The following RNF157 variants were observed in gnomAD, a reference collection of about 807,000 sequenced individuals.
RNF157 encodes the protein E3 ubiquitin ligase RNF157.
In RNF157, 55 loss-of-function variants were observed where a neutral mutation model predicts 88.3. The ratio of observed to expected loss-of-function variants is 0.62; its 90% CI spans 0.50 to 0.78. The LOEUF is 0.78. Ranked by LOEUF, RNF157 falls within the 30% of genes least tolerant of loss-of-function variation. The pLI, the probability that RNF157 is intolerant of heterozygous loss-of-function variation, is 0.00. For missense variants in RNF157, 788 were observed against 860.8 expected (o/e 0.92, Z 1.06); for synonymous variants, 334 against 341.2 (o/e 0.98, Z 0.23).
intron 2 of RNF157, among the ~76,000 whole-genome samples, chr17:76,184,116 G>A (rs966853988): frequency 1.3e-5 from 2 of 151,708 alleles, no homozygotes; most frequent in Admixed American, 6.6e-5. Flanking sequence ...ACTTGAACCT[G>A]GGAGGCAGAG....
intron 7 of RNF157, 108 bp from the exon 8 acceptor site, chr17:76,164,903 C>T (rs2068899076): frequency 1.5e-6 from 1 of 688,884 alleles, no homozygotes; most frequent in South Asian, 1.9e-5. Flanking sequence ...TCTGCAGTTT[C>T]ATTTTCCATG....
intron 2 of RNF157, among the ~76,000 whole-genome samples, chr17:76,205,050 G>C (rs1027114107): frequency 6.6e-6 from 1 of 151,810 alleles, no homozygotes; most frequent in Admixed American, 6.6e-5. Context: ...GTGTCCCAAA[G>C]TGCTGGGATT....
chr17:76,146,993 A>G lies in RNF157; in HGVS notation c.1922-1640T>C, dbSNP rs187108057. The G allele has an allele frequency of 7.7e-5, 76 of 985,362 alleles. No individual in the cohort carries two copies. The highest frequency in any genetic ancestry group is 9.0e-5 in the Non-Finnish European group (75 of 829,910). 61.0% of individuals were successfully genotyped at this position (985,362 alleles called of 1,614,324 possible). A position where few individuals can be genotyped will look rare whatever the true frequency, so the allele number is the denominator to read the frequency against. On this transcript the variant is annotated intron_variant, in intron 18 of 18. Transcript: ENST00000269391. This position sits in a 1 kb window ranked among gnomAD's most constrained non-coding sequence, Gnocchi z 4.2. ...TGCTAATCCACCTCAGGCTCTAGTA[A>G]CAGTCTCTGGTGCTTGACCCCAGGG...
At chr17:76,226,274 A>C (rs1598444040) in intron 1 of RNF157, 8 of 1,608,610 alleles carry the variant, frequency 5.0e-6, no homozygotes, top group Non-Finnish European at 6.8e-6. Context: ...CTCTAAACTA[A>C]AGGAATGATC....
chr17:76,212,928 T>C (rs193104907), intron 1 of RNF157, among the ~76,000 whole-genome samples: 301 of 152,292 alleles, frequency 2.0e-3, no homozygotes, highest in Middle Eastern at 6.8e-3. Flanking sequence ...TCCCAGAGTG[T>C]TTTCTTTTCC....
chr17:76,203,141 C>A (rs2069615493), intron 2 of RNF157, among the ~76,000 whole-genome samples: 1 of 152,054 alleles, frequency 6.6e-6, no homozygotes. Flanking sequence ...CAGGCATGCA[C>A]CACCATGCCT....
chr17:76,218,946 A>T (rs2069936186), intron 1 of RNF157, among the ~76,000 whole-genome samples: 1 of 152,030 alleles, frequency 6.6e-6, no homozygotes, highest in South Asian at 2.1e-4. Flanking sequence ...AAAAATAAAA[A>T]AAAATAAAAA....
chr17:76,233,975 T>C (rs1395060437), intron 1 of RNF157, among the ~76,000 whole-genome samples: 1 of 152,202 alleles, frequency 6.6e-6, no homozygotes, highest in Non-Finnish European at 1.5e-5. Flanking sequence ...ACTGCCATTA[T>C]CCCAAAAAGA....
At chr17:76,227,077 A>C (rs1249373689) in intron 1 of RNF157, among the ~76,000 whole-genome samples, 1 of 152,016 alleles carries the variant, frequency 6.6e-6, no homozygotes, top group Non-Finnish European at 1.5e-5. Flanking sequence ...GTGGGCAGGC[A>C]AAGTAGAAAT....
intron 9 of RNF157, 35 bp from the exon 10 acceptor site, chr17:76,162,037 A>G: frequency 1.2e-6 from 2 of 1,603,762 alleles, no homozygotes; most frequent in African/African-American, 1.3e-5. Context: ...CCAATGGCAC[A>G]AAGCCCTTCC....
chr17:76,149,774 C>T (rs1257590659), intron 18 of RNF157, among the ~76,000 whole-genome samples: 1 of 152,190 alleles, frequency 6.6e-6, no homozygotes, highest in Non-Finnish European at 1.5e-5. Context: ...TGGCTCACAC[C>T]TGTAATCTCA....
rs1158237064 is a variant in RNF157 at position 76,159,382 on chromosome 17, C to T, written c.1257G>A (p.Leu419=). 2 of 1,613,136 alleles carry T rather than the reference C, an allele frequency of 1.2e-6. No individual in the cohort carries two copies. Among genetic ancestry groups the T allele is most frequent in the Non-Finnish European group, 1.7e-6 (2 of 1,179,782 alleles). Residue 419 remains leucine, a synonymous_variant, in exon 12 of 19, where the codon CTG becomes CTA. Coordinates refer to ENST00000269391, the MANE Select transcript of RNF157 (RefSeq NM_052916.3). ...TGAGTCCCTGACTGCTGCTGTCAGA[C>T]AGGCGGTCAAGAGGCGAGATCGTCC... ...PVRTISPLDR[L]SDSSSQGLKL...
intron 11 of RNF157, 49 bp from the exon 12 acceptor site, chr17:76,159,622 T>C: frequency 7.5e-7 from 1 of 1,334,168 alleles, no homozygotes; most frequent in Non-Finnish European, 1.1e-6. Flanking sequence ...CCTTTTTGTT[T>C]TATGACGTGA....
At chr17:76,172,949 A>G (rs938633650) in intron 3 of RNF157, among the ~76,000 whole-genome samples, 2 of 152,170 alleles carry the variant, frequency 1.3e-5, no homozygotes, top group Admixed American at 1.3e-4. Context: ...AACCCAGTGC[A>G]CTATGAGTTC....
chr17:76,180,832 G>A (rs1250406674), intron 2 of RNF157, among the ~76,000 whole-genome samples: 1 of 152,058 alleles, frequency 6.6e-6, no homozygotes, highest in Non-Finnish European at 1.5e-5. Context: ...TCGCATTATC[G>A]TGCGGCCATC....
chr17:76,164,830 G>A (rs2068898014), intron 7 of RNF157, 35 bp from the exon 8 acceptor site: 1 of 1,545,722 alleles, frequency 6.5e-7, no homozygotes, highest in Non-Finnish European at 8.9e-7. Flanking sequence ...GACAAGGAAG[G>A]GAGGGTAATA....
At chr17:76,226,134 G>C in intron 1 of RNF157, 2 of 1,602,796 alleles carry the variant, frequency 1.2e-6, no homozygotes, top group Non-Finnish European at 8.5e-7. Flanking sequence ...TAGGACTCTG[G>C]GCTCATACAG....
chr17:76,167,186 ACTT>A lies in RNF157; in HGVS notation c.444-63_444-61del, dbSNP rs2068941580. 2.5e-6 allele frequency: 3 copies of A among 1,186,970 alleles called. No homozygotes were observed. In the Admixed American group the frequency reaches 5.3e-5, roughly 21 times the overall value. 73.5% of individuals were successfully genotyped at this position (1,186,970 alleles called of 1,614,324 possible). On this transcript the variant is annotated intron_variant, in intron 4 of 18. Coordinates refer to ENST00000269391, the MANE Select transcript of RNF157 (RefSeq NM_052916.3). Reference sequence around the variant, plus strand: ...GTATCCGGCACAGATGGGTCTGACAACTTCCTCTGCTCATGCCTGTTCTCAATT... The same window carrying A: ...GTATCCGGCACAGATGGGTCTGACAACCTCTGCTCATGCCTGTTCTCAATT...
rs374268501 is a variant in RNF157, at chr17:76,171,230, C to A, written c.296+2472G>T. 4.0e-3 allele frequency among the ~76,000 whole-genome samples: 599 copies of A among 150,986 alleles called. 6 individuals carry two copies. Among genetic ancestry groups the A allele is most frequent in the African/African-American group, 0.011 (435 of 41,070 alleles). On this transcript the variant is annotated intron_variant, in intron 3 of 18. Coordinates refer to ENST00000269391, the MANE Select transcript of RNF157 (RefSeq NM_052916.3). ...TTTAGTTGGAGTCTCACTCTGTCAC[C>A]CAGAGTGGAGTGCAGTGGTACAATC...
Sources: allele counts gnomAD v4.1 joint callset (sites outside exome capture counted in the v4.1 genomes callset), GRCh38; gene constraint gnomAD v4.1.1; non-coding constraint Gnocchi (gnomAD v3.1); transcripts MANE v1.5; gene names NCBI Gene and HGNC (gene_info 2026-07-23, HGNC 2026-07-21).